BIRC6: variants seen among roughly 807,000 people sequenced by gnomAD.
BIRC6 encodes dual E2 ubiquitin-conjugating enzyme/E3 ubiquitin-protein ligase BIRC6.
A neutral mutation model predicts 503.3 loss-of-function variants in BIRC6; 98 were observed. That is an observed-to-expected ratio of 0.19 (90% CI 0.17 to 0.23). The LOEUF (loss-of-function observed/expected upper bound fraction) is 0.23, where lower values mean the gene tolerates loss of function less well. BIRC6 is among the 10% of genes least tolerant of loss of function. The probability of loss-of-function intolerance (pLI) is 1.00; values close to 1 mark genes in which losing one functional copy is unlikely to be tolerated. For missense variants in BIRC6, 5,360 were observed against 5,806.0 expected (o/e 0.92, Z 2.50); for synonymous variants, 2,240 against 2,078.7 (o/e 1.08, Z -2.11).
At chr2:32,429,641 G>A (rs1047628431) in intron 11 of BIRC6, among the ~76,000 whole-genome samples, 2 of 151,998 alleles carry the variant, frequency 1.3e-5, no homozygotes, top group South Asian at 2.1e-4. Flanking sequence ...TCACACATAC[G>A]TTGCCCCATC....
At chr2:32,375,262 G>A (rs2036570664) in intron 1 of BIRC6, among the ~76,000 whole-genome samples, 1 of 151,976 alleles carries the variant, frequency 6.6e-6, no homozygotes, top group African/African-American at 2.4e-5. Context: ...ATTTTTTAGT[G>A]CAGTGACTAG....
Position 32,515,716 on chromosome 2 carries a change from G to C in BIRC6, c.11295G>C (p.Ala3765=). Residue 3765 remains alanine (A), a synonymous_variant, in exon 55 of 74, where the codon GCG becomes GCC. Transcript: ENST00000421745. The part of the protein sequence containing the change: ...QRTAIENATV[A]FFLQCISCHP... ...CAGCAATTGAGAATGCAACTGTTGC[G>C]TTCTTTCTACAGTGCATTTCATGCC... 1 of 1,601,856 alleles carries C rather than the reference G, an allele frequency of 6.2e-7. No homozygotes were observed. Among genetic ancestry groups the C allele is most frequent in the Non-Finnish European group, 8.5e-7 (1 of 1,179,780 alleles).
At chr2:32,452,455 C>T (rs962885511) in intron 22 of BIRC6, among the ~76,000 whole-genome samples, 3 of 152,072 alleles carry the variant, frequency 2.0e-5, no homozygotes, top group Non-Finnish European at 2.9e-5. Context: ...AAAAGCTCTT[C>T]AGGGTGCTTA....
At chr2:32,561,931 A>C (rs1415363378) in intron 65 of BIRC6, among the ~76,000 whole-genome samples, 1 of 151,678 alleles carries the variant, frequency 6.6e-6, no homozygotes, top group African/African-American at 2.4e-5. Flanking sequence ...AATCGCAGCT[A>C]CTCGGGAGGC....
intron 1 of BIRC6, among the ~76,000 whole-genome samples, chr2:32,361,790 C>G (rs2034132020): frequency 6.6e-6 from 1 of 152,080 alleles, no homozygotes; most frequent in South Asian, 2.1e-4. Flanking sequence ...TGTATTTATA[C>G]CGTTTGTAGA....
intron 65 of BIRC6, among the ~76,000 whole-genome samples, chr2:32,571,070 C>T (rs2059884136): frequency 6.6e-6 from 1 of 152,126 alleles, no homozygotes; most frequent in Non-Finnish European, 1.5e-5. Flanking sequence ...CTCAGCCTCC[C>T]AAAATGTTGG....
chr2:32,562,074 T>A (rs1220841861), intron 65 of BIRC6, among the ~76,000 whole-genome samples: 3 of 152,088 alleles, frequency 2.0e-5, no homozygotes, highest in Non-Finnish European at 2.9e-5. Flanking sequence ...ATTTCTAGAT[T>A]TTAACAATTG....
intron 26 of BIRC6, among the ~76,000 whole-genome samples, chr2:32,466,663 T>G (rs750108205): frequency 6.6e-6 from 1 of 152,220 alleles, no homozygotes; most frequent in Non-Finnish European, 1.5e-5. Flanking sequence ...AGCAGATTGA[T>G]CCTTTACAAA....
chr2:32,477,317 A>G, intron 34 of BIRC6, 51 bp from the exon 35 acceptor site: 2 of 1,568,708 alleles, frequency 1.3e-6, no homozygotes, highest in Non-Finnish European at 1.7e-6. Context: ...ATACTGAAAA[A>G]ATTTTCATTA....
chr2:32,454,479 A>ATT lies in BIRC6; in HGVS notation c.4753+546_4753+547dup, dbSNP rs11441657. On this transcript the variant is annotated intron_variant, in intron 23 of 73. Transcript: ENST00000421745. ...TTTATTTTCTTTCTTGTTTTCTGTG[A>ATT]TTTTTTTTTTCCTTCTCACGTAGGA... Among the ~76,000 whole-genome samples the ATT allele has an allele frequency of 1.7e-3, 249 of 150,372 alleles. 1 individual carries two copies. The highest frequency in any genetic ancestry group is 3.0e-3 in the Non-Finnish European group (200 of 67,570).
intron 45 of BIRC6, among the ~76,000 whole-genome samples, chr2:32,494,193 C>T (rs1438720983): frequency 6.0e-5 from 9 of 151,112 alleles, no homozygotes; most frequent in South Asian, 2.1e-4. Context: ...TTTTTTTATT[C>T]TATATTTCTT....
At chr2:32,568,700 C>T (rs2059706070) in intron 65 of BIRC6, among the ~76,000 whole-genome samples, 1 of 151,202 alleles carries the variant, frequency 6.6e-6, no homozygotes, top group Non-Finnish European at 1.5e-5. Flanking sequence ...AAAAATTAGT[C>T]CGGCATGGTG....
At chr2:32,418,522 A>G (rs1248152901) in intron 10 of BIRC6, among the ~76,000 whole-genome samples, 1 of 152,224 alleles carries the variant, frequency 6.6e-6, no homozygotes, top group Non-Finnish European at 1.5e-5. Context: ...AGAATCTTAC[A>G]CTGAATTCTT....
At chr2:32,563,549 T>A (rs2150753004) in intron 65 of BIRC6, 1 of 152,314 alleles carries the variant, frequency 6.6e-6, no homozygotes, top group African/African-American at 2.4e-5. Flanking sequence ...TTTCCTCGTA[T>A]TAGTGTTTTA....
intron 4 of BIRC6, 48 bp from the exon 5 acceptor site, chr2:32,391,991 T>C (rs1458462263): frequency 8.0e-7 from 1 of 1,243,530 alleles, no homozygotes; most frequent in South Asian, 1.4e-5. Context: ...GAAGTTTCAC[T>C]GTGATTTGAT....
intron 70 of BIRC6, among the ~76,000 whole-genome samples, chr2:32,600,106 G>T (rs2061952506): frequency 6.6e-6 from 1 of 152,228 alleles, no homozygotes; most frequent in African/African-American, 2.4e-5. Flanking sequence ...AGCACTTACA[G>T]TCTTAAGAAG....
At chr2:32,416,225 G>A (rs2042357911) in intron 10 of BIRC6, 62 bp downstream of exon 10, 3 of 1,442,772 alleles carry the variant, frequency 2.1e-6, no homozygotes, top group East Asian at 2.3e-5. Flanking sequence ...ATTTGTTTAT[G>A]TGCAAACCTA....
At chr2:32,468,884 G>T in intron 29 of BIRC6, 101 bp downstream of exon 29, 4 of 953,416 alleles carry the variant, frequency 4.2e-6, no homozygotes, top group Non-Finnish European at 4.4e-6. Flanking sequence ...TGTAAATTTT[G>T]GTATTTTAAA....
chr2:32,540,695 T>A (rs186588354), intron 61 of BIRC6, among the ~76,000 whole-genome samples: 77 of 152,186 alleles, frequency 5.1e-4, no homozygotes, highest in African/African-American at 1.8e-3. Context: ...TTCTACTGTT[T>A]GGTGCTTTTG....
Sources: gnomAD v4.1 joint callset for allele counts (sites outside exome capture counted in the v4.1 genomes callset) on GRCh38, gnomAD v4.1.1 for gene constraint, MANE v1.5 for transcripts, NCBI Gene and HGNC (gene_info 2026-07-23, HGNC 2026-07-21) for gene names.